FAM228B: variants seen among roughly 807,000 people sequenced by gnomAD.
The protein encoded by FAM228B is protein FAM228B.
In FAM228B, 38 loss-of-function variants were observed where a neutral mutation model predicts 42.6. The ratio of observed to expected loss-of-function variants is 0.89; its 90% CI spans 0.69 to 1.17. FAM228B has a LOEUF of 1.17. FAM228B is among the 50% of genes most tolerant of loss of function. FAM228B has a pLI of 0.00. For missense variants in FAM228B, 344 were observed against 367.3 expected (o/e 0.94, Z 0.52); for synonymous variants, 109 against 122.3 (o/e 0.89, Z 0.72).
chr2:24,164,834 C>A (rs1306484715), intron 9 of FAM228B, among the ~76,000 whole-genome samples: 1 of 152,112 alleles, frequency 6.6e-6, no homozygotes, highest in African/African-American at 2.4e-5. Flanking sequence ...AGATTGCCAG[C>A]AGCAGAGAGG....
At position 24,167,610 on chromosome 2, in the gene FAM228B, T is replaced by G. The variant is rs551238492; in HGVS notation, c.933-17T>G. The G allele has an allele frequency of 6.4e-7, 1 of 1,551,426 alleles. No individual in the cohort carries two copies. The highest frequency in any genetic ancestry group is 1.4e-5 in the African/African-American group (1 of 73,096). Reference sequence around the variant, plus strand: ...TCTCGTATAACATAATGACCAAAGCTTCAATCTTCATTTAAGGTCTCCCTC... The same window carrying G: ...TCTCGTATAACATAATGACCAAAGCGTCAATCTTCATTTAAGGTCTCCCTC... On this transcript the variant is annotated splice_polypyrimidine_tract_variant and intron_variant, in intron 9 of 10. Transcript: ENST00000615575.
At chr2:24,164,700 C>T (rs1667362641) in intron 9 of FAM228B, among the ~76,000 whole-genome samples, 1 of 152,206 alleles carries the variant, frequency 6.6e-6, no homozygotes, top group Admixed American at 6.5e-5. Context: ...TACCACTTAG[C>T]ATAGCCAAGC....
At chr2:24,129,954 A>T (rs35268318) in intron 2 of FAM228B, among the ~76,000 whole-genome samples, 46,753 of 151,600 alleles carry the variant, frequency 0.31, 7,589 homozygotes, top group South Asian at 0.43. Flanking sequence ...CCTAATGCTC[A>T]CCTCCCCTCA....
Position 24,102,788 on chromosome 2 carries a change from G to T in FAM228B, c.-121+7559G>T, listed in dbSNP as rs78674099. On this transcript the variant is annotated intron_variant, in intron 3 of 10. Coordinates refer to the FAM228B transcript ENST00000613899. ...AATGTATTTTCATTAACATATCGGAGCTGCAGACTTAACTCATTTATGGAA... is the reference window on the plus strand; with the variant it reads ...AATGTATTTTCATTAACATATCGGATCTGCAGACTTAACTCATTTATGGAA... Among the ~76,000 whole-genome samples, 31 of 152,248 alleles carry T rather than the reference G, an allele frequency of 2.0e-4. No individual in the cohort carries two copies. The East Asian group carries it at 5.0e-3, about 25-fold the overall frequency.
intron 9 of FAM228B, among the ~76,000 whole-genome samples, chr2:24,166,754 A>G (rs1667425707): frequency 6.6e-6 from 1 of 152,142 alleles, no homozygotes; most frequent in African/African-American, 2.4e-5. Flanking sequence ...TTTTAGGTGG[A>G]GAAGTCAGAG....
In FAM228B at chr2:24,167,688, A is replaced by G. The variant is rs1193068211; in HGVS notation, c.*14+5A>G. 6.4e-7 allele frequency: 1 copy of G among 1,551,262 alleles called. No homozygotes were observed. Among genetic ancestry groups the G allele is most frequent in the Non-Finnish European group, 8.7e-7 (1 of 1,146,708 alleles). ...GCTATAAGAAAGAAGAGGGAGGTAG[A>G]TGTCTTCTCTCTTTCCCTTCTTACT... On this transcript the variant is annotated splice_donor_5th_base_variant and intron_variant, in intron 10 of 10. Transcript: ENST00000615575.
At chr2:24,121,411 GT>G, upstream of FAM228B, 1 of 1,024,596 alleles carries the variant, frequency 9.8e-7, no homozygotes, top group East Asian at 2.6e-5. Flanking sequence ...TGGTTTTCAT[GT>G]TTTTAAATGG....
rs778102649 is a variant in FAM228B at position 24,080,826 on chromosome 2, G to T, written c.-289-50G>T. 50 of 1,614,064 alleles carry T rather than the reference G, an allele frequency of 3.1e-5. No individual in the cohort carries two copies. Among genetic ancestry groups the T allele is most frequent in the Admixed American group, 2.3e-4 (14 of 60,006 alleles). On this transcript the variant is annotated intron_variant, in intron 1 of 10. Coordinates refer to the FAM228B transcript ENST00000613899. The surrounding 1 kb of genome is among the most constrained non-coding windows in gnomAD (Gnocchi z 4.7). ...GTAGAAGCAGTTGTTTACCTTTGGTGAATTTCAGCGTTGCTTCAGAGAAAT... is the reference window on the plus strand; with the variant it reads ...GTAGAAGCAGTTGTTTACCTTTGGTTAATTTCAGCGTTGCTTCAGAGAAAT...
intron 7 of FAM228B, among the ~76,000 whole-genome samples, chr2:24,153,301 G>A (rs1252208129): frequency 6.6e-6 from 1 of 152,144 alleles, no homozygotes; most frequent in Admixed American, 6.5e-5. Context: ...GAATGTTCTG[G>A]GTCACTGCTG....
At chr2:24,112,822 T>G (rs1324806819) in intron 3 of FAM228B, among the ~76,000 whole-genome samples, 3 of 152,192 alleles carry the variant, frequency 2.0e-5, no homozygotes, top group African/African-American at 7.2e-5. Flanking sequence ...TCCCACGTAC[T>G]GCTTTCCAGC....
Position 24,156,782 on chromosome 2 carries a change from C to G in FAM228B, c.687-4724C>G, listed in dbSNP as rs376004437. ...GTTATACATTTCTTTCCGCCCCCCC[C>G]CCCCCAGCTTTTTGTTTCATTTATC... On this transcript the variant is annotated intron_variant, in intron 7 of 10. Transcript: ENST00000615575. Among the ~76,000 whole-genome samples the G allele has an allele frequency of 6.7e-4, 81 of 121,348 alleles. 1 individual carries two copies. Among genetic ancestry groups the G allele is most frequent in the Non-Finnish European group, 1.0e-3 (59 of 57,894 alleles). 79.6% of individuals were successfully genotyped at this position (121,348 alleles called of 152,430 possible). A position where few individuals can be genotyped will look rare whatever the true frequency, so the allele number is the denominator to read the frequency against.
At chr2:24,122,489 T>C (rs1180590639), upstream of FAM228B, 2 of 1,614,082 alleles carry the variant, frequency 1.2e-6, no homozygotes, top group African/African-American at 2.7e-5. Flanking sequence ...GTCCACATGC[T>C]TGGTTCCCAA....
chr2:24,091,244 T>A (rs1383174087), intron 2 of FAM228B, among the ~76,000 whole-genome samples: 1 of 152,054 alleles, frequency 6.6e-6, no homozygotes, highest in Non-Finnish European at 1.5e-5. Context: ...CCATCCTGGC[T>A]AACACGGTGA....
chr2:24,091,610 A>G (rs748992660), intron 2 of FAM228B, among the ~76,000 whole-genome samples: 4 of 152,238 alleles, frequency 2.6e-5, no homozygotes, highest in Non-Finnish European at 5.9e-5. Context: ...AACTAGAAAT[A>G]TTAATAAAAA....
At chr2:24,126,326 T>A (rs1666307638) in intron 2 of FAM228B, among the ~76,000 whole-genome samples, 1 of 152,200 alleles carries the variant, frequency 6.6e-6, no homozygotes, top group Non-Finnish European at 1.5e-5. Context: ...TAGCCAACAT[T>A]TGGAATAGTT....
intron 1 of FAM228B, among the ~76,000 whole-genome samples, 178 bp downstream of exon 1, chr2:24,123,711 G>T (rs1003794072): frequency 5.8e-4 from 88 of 151,624 alleles, no homozygotes; most frequent in Non-Finnish European, 1.9e-4. Flanking sequence ...GCCAGGCCGG[G>T]CGGTCCCCGC....
At chr2:24,125,593 C>G (rs933532799) in intron 2 of FAM228B, among the ~76,000 whole-genome samples, 2 of 151,766 alleles carry the variant, frequency 1.3e-5, no homozygotes, top group Non-Finnish European at 2.9e-5. Context: ...CTTTCTTTCG[C>G]TCTATCACTC....
At chr2:24,134,057 G>A (rs142634900) in intron 2 of FAM228B, among the ~76,000 whole-genome samples, 1 of 152,060 alleles carries the variant, frequency 6.6e-6, no homozygotes, top group Non-Finnish European at 1.5e-5. Flanking sequence ...CAATTGTCAT[G>A]GAAAAATTAA....
rs1374375974 is a variant in FAM228B, at chr2:24,158,210, TTTTC to T, written c.687-3295_687-3292del. Among the ~76,000 whole-genome samples, 21 of 144,126 alleles carry T rather than the reference TTTTC, an allele frequency of 1.5e-4. 2 individuals are homozygous for T. Among genetic ancestry groups the T allele is most frequent in the South Asian group, 1.4e-3 (6 of 4,344 alleles). The allele number at this position is 144,126 out of a possible 152,430, so 94.6% of individuals were successfully genotyped here. A position where few individuals can be genotyped will look rare whatever the true frequency, so the allele number is the denominator to read the frequency against. ...CTCTGAACCTCCTTTTTTTTTTTTT[TTTTC>T]CAAAACATTGTTCCCAAGACTCTAT... On this transcript the variant is annotated intron_variant, in intron 7 of 10. Coordinates refer to ENST00000615575, the MANE Select transcript of FAM228B (RefSeq NM_001145710.2).
Sources: allele counts gnomAD v4.1 joint callset (sites outside exome capture counted in the v4.1 genomes callset), GRCh38; gene constraint gnomAD v4.1.1; non-coding constraint Gnocchi (gnomAD v3.1); transcripts MANE v1.5; gene names NCBI Gene and HGNC (gene_info 2026-07-23, HGNC 2026-07-21).